The following PRKCA variants were observed in gnomAD, a reference collection of about 807,000 sequenced individuals.
PRKCA encodes the protein protein kinase C alpha type.
Under a neutral mutation model 87.0 loss-of-function variants are expected in PRKCA, and 27 were observed. The observed-to-expected ratio is 0.31, with a 90% CI of 0.23 to 0.43. PRKCA has a LOEUF of 0.43. PRKCA is among the 20% of genes least tolerant of loss of function. PRKCA has a pLI of 1.00. For synonymous variants in PRKCA, 329 were observed against 311.1 expected, an observed-to-expected ratio of 1.06 and a Z score of -0.61; for missense variants, 518 against 852.3, an observed-to-expected ratio of 0.61 and a Z score of 4.88.
At chr17:66,778,731 C>T (rs1374097628) in intron 14 of PRKCA, among the ~76,000 whole-genome samples, 2 of 150,772 alleles carry the variant, frequency 1.3e-5, no homozygotes, top group African/African-American at 2.4e-5. Context: ...ATCCCAGCTA[C>T]GTAGGAGGCT....
chr17:66,393,303 G>C (rs567755082), intron 2 of PRKCA, among the ~76,000 whole-genome samples: 11 of 152,220 alleles, frequency 7.2e-5, no homozygotes, highest in African/African-American at 2.4e-4. Context: ...ACACATCTTC[G>C]AGCAGCCCCA....
At chr17:66,356,756 A>T (rs944487143) in intron 2 of PRKCA, among the ~76,000 whole-genome samples, 3 of 152,130 alleles carry the variant, frequency 2.0e-5, no homozygotes, top group Non-Finnish European at 2.9e-5. Context: ...TTTTTTAAAT[A>T]TTTTTTTAAA....
At chr17:66,715,959 T>A in intron 8 of PRKCA, among the ~76,000 whole-genome samples, 1 of 152,274 alleles carries the variant, frequency 6.6e-6, no homozygotes, top group Non-Finnish European at 1.5e-5. Flanking sequence ...CAAACAGCAA[T>A]CAACTGTTGC....
intron 3 of PRKCA, among the ~76,000 whole-genome samples, chr17:66,556,838 A>T (rs2143267272): frequency 6.6e-6 from 1 of 152,234 alleles, no homozygotes; most frequent in Middle Eastern, 3.4e-3. Context: ...GAGTCAATTA[A>T]ATCTCTTTCC....
intron 2 of PRKCA, among the ~76,000 whole-genome samples, chr17:66,491,498 A>G (rs1821966033): frequency 6.6e-6 from 1 of 152,190 alleles, no homozygotes; most frequent in South Asian, 2.1e-4. Flanking sequence ...CCTTCTACCA[A>G]GGTCAGGCAG....
intron 3 of PRKCA, among the ~76,000 whole-genome samples, chr17:66,534,742 G>A (rs1219930131): frequency 6.6e-6 from 1 of 152,146 alleles, no homozygotes; most frequent in African/African-American, 2.4e-5. Flanking sequence ...TAATAAACTT[G>A]TAACATGAGG....
At chr17:66,770,831 G>A (rs572961128) in intron 13 of PRKCA, among the ~76,000 whole-genome samples, 1 of 152,248 alleles carries the variant, frequency 6.6e-6, no homozygotes, top group South Asian at 2.1e-4. Context: ...CTTGGTGAAG[G>A]CGATGAGTTT....
At chr17:66,644,201 C>T (rs187953780) in intron 4 of PRKCA, among the ~76,000 whole-genome samples, 10 of 152,324 alleles carry the variant, frequency 6.6e-5, no homozygotes, top group African/African-American at 1.9e-4. Context: ...TGTGAATTAG[C>T]TAATTGTTCT....
Position 66,391,968 on chromosome 17 carries a change from C to T in PRKCA, c.205+85841C>T, listed in dbSNP as rs184059677. ...GTTACAGGCCGGGCACAGTGGCTCA[C>T]GCCTGTAATCCCAGCACTTTGGGAG... On this transcript the variant is annotated intron_variant, in intron 2 of 16. Transcript: ENST00000413366. Among the ~76,000 whole-genome samples, 53 of 152,286 alleles carry T rather than the reference C, an allele frequency of 3.5e-4. 1 individual carries two copies. Among genetic ancestry groups the T allele is most frequent in the African/African-American group, 1.2e-3 (48 of 41,566 alleles).
At chr17:66,790,901 T>G (rs2144391966) in intron 16 of PRKCA, among the ~76,000 whole-genome samples, 1 of 151,902 alleles carries the variant, frequency 6.6e-6, no homozygotes, top group East Asian at 1.9e-4. Flanking sequence ...TCCACGGAAA[T>G]CACAGGAAGC....
intron 13 of PRKCA, among the ~76,000 whole-genome samples, chr17:66,748,874 C>T (rs1041497860): frequency 1.3e-5 from 2 of 151,936 alleles, no homozygotes; most frequent in Non-Finnish European, 2.9e-5. Flanking sequence ...AATGGGGCAC[C>T]CGTGGTAAGG....
At chr17:66,556,082 C>A (rs1968485950) in intron 3 of PRKCA, among the ~76,000 whole-genome samples, 1 of 152,088 alleles carries the variant, frequency 6.6e-6, no homozygotes, top group African/African-American at 2.4e-5. Flanking sequence ...CATGGGGACT[C>A]CTCCCTGGGA....
intron 5 of PRKCA, among the ~76,000 whole-genome samples, chr17:66,675,812 A>G (rs139710273): frequency 1.1e-3 from 167 of 152,198 alleles, no homozygotes; most frequent in African/African-American, 2.6e-3. Flanking sequence ...TGCCCACATA[A>G]TAGCCCCTAG....
chr17:66,573,712 AT>A (rs1352841749), intron 3 of PRKCA, among the ~76,000 whole-genome samples: 2 of 152,244 alleles, frequency 1.3e-5, no homozygotes, highest in Non-Finnish European at 2.9e-5. Flanking sequence ...AACAAGCTAT[AT>A]CTAGCTTCCT....
chr17:66,548,520 C>G (rs1968218288), intron 3 of PRKCA, among the ~76,000 whole-genome samples: 1 of 152,204 alleles, frequency 6.6e-6, no homozygotes, highest in Non-Finnish European at 1.5e-5. Context: ...GTATTTCTCA[C>G]TTAATCTTTA....
At chr17:66,698,836 A>G (rs1212700764) in intron 8 of PRKCA, among the ~76,000 whole-genome samples, 3 of 149,518 alleles carry the variant, frequency 2.0e-5, no homozygotes, top group Admixed American at 6.7e-5. Flanking sequence ...AAAAAAAAAA[A>G]TAGGTGTAGT....
intron 16 of PRKCA, among the ~76,000 whole-genome samples, chr17:66,795,604 TA>T (rs1975645932): frequency 6.6e-6 from 1 of 152,204 alleles, no homozygotes; most frequent in Non-Finnish European, 1.5e-5. Context: ...TTTAAACTAA[TA>T]ATATAAATAA....
intron 2 of PRKCA, among the ~76,000 whole-genome samples, chr17:66,407,338 G>A (rs893497353): frequency 3.3e-5 from 5 of 151,938 alleles, no homozygotes; most frequent in Non-Finnish European, 5.9e-5. Flanking sequence ...GTGAGTTCTC[G>A]GGGATCTGGT....
At chr17:66,522,419 C>T (rs574811397) in intron 3 of PRKCA, among the ~76,000 whole-genome samples, 21 of 152,098 alleles carry the variant, frequency 1.4e-4, no homozygotes, top group South Asian at 1.2e-3. Flanking sequence ...TTGGCAGGAC[C>T]GAAAGGAGAG....
Sources: gnomAD v4.1 joint callset for allele counts (sites outside exome capture counted in the v4.1 genomes callset) on GRCh38, gnomAD v4.1.1 for gene constraint, MANE v1.5 for transcripts, NCBI Gene and HGNC (gene_info 2026-07-23, HGNC 2026-07-21) for gene names.